The following KCNJ12 variants were observed in gnomAD, a reference collection of about 807,000 sequenced individuals.
KCNJ12 encodes the protein potassium inwardly rectifying channel subfamily J member 12.
Under a neutral mutation model 22.3 loss-of-function variants are expected in KCNJ12, and 2 were observed. That is an observed-to-expected ratio of 0.09 (90% CI 0.04 to 0.28). The LOEUF (loss-of-function observed/expected upper bound fraction) is 0.28, where lower values mean the gene tolerates loss of function less well. KCNJ12 is among the 10% of genes least tolerant of loss of function. The pLI, the probability that KCNJ12 is intolerant of heterozygous loss-of-function variation, is 1.00. For missense variants in KCNJ12, 155 were observed against 633.3 expected, an observed-to-expected ratio of 0.24 and a Z score of 8.11; for synonymous variants, 117 against 261.4, an observed-to-expected ratio of 0.45 and a Z score of 5.33.
chr17:21,379,424 C>G (rs576493076), intron 1 of KCNJ12, among the ~76,000 whole-genome samples: 2 of 152,232 alleles, frequency 1.3e-5, no homozygotes, highest in African/African-American at 4.8e-5. Context: ...CCAGGCCCAG[C>G]TCTGGGCTGG....
intron 2 of KCNJ12, among the ~76,000 whole-genome samples, chr17:21,412,013 C>T (rs1222175808): frequency 1.3e-5 from 2 of 150,340 alleles, no homozygotes; most frequent in Non-Finnish European, 2.9e-5. Context: ...GGGAGGGTTT[C>T]TCTCTCTCTC....
chr17:21,379,336 G>A lies in KCNJ12; in HGVS notation c.-179+2423G>A, dbSNP rs1486955311. Among the ~76,000 whole-genome samples the A allele has an allele frequency of 3.3e-5, 5 of 152,326 alleles. No homozygotes were observed. The East Asian group carries it at 9.7e-4, about 29-fold the overall frequency. The stretch of plus-strand genomic sequence containing the variant: ...ATCATTACTGTCATCAACCTCTGTG[G>A]CCCTCGCCAGGTCCCCAGGCAGAAG... On this transcript the variant is annotated intron_variant, in intron 1 of 2. Transcript: ENST00000583088.
intron 1 of KCNJ12, among the ~76,000 whole-genome samples, chr17:21,398,311 C>T (rs1339701524): frequency 6.6e-6 from 1 of 152,212 alleles, no homozygotes; most frequent in African/African-American, 2.4e-5. Flanking sequence ...CTGGTCATAC[C>T]CCACACTTCT....
Position 21,419,260 on chromosome 17 carries a change from A to G in KCNJ12, c.*2616A>G, listed in dbSNP as rs1290380315. The stretch of plus-strand genomic sequence containing the variant: ...CATGCACACTCGGCTCTTCATGTGT[A>G]TGACTGGGTTAGTAATACAGATACG... On this transcript the variant is annotated 3_prime_UTR_variant, in exon 3 of 3. Coordinates refer to ENST00000583088, the MANE Select transcript of KCNJ12 (RefSeq NM_021012.5). 2 of 165,896 alleles carry G rather than the reference A, an allele frequency of 1.2e-5. No individual in the cohort carries two copies. Among genetic ancestry groups the G allele is most frequent in the African/African-American group, 4.9e-5 (2 of 40,928 alleles). 10.3% of individuals were successfully genotyped at this position (165,896 alleles called of 1,614,324 possible). A position where few individuals can be genotyped will look rare whatever the true frequency, so the allele number is the denominator to read the frequency against.
intron 1 of KCNJ12, among the ~76,000 whole-genome samples, chr17:21,378,426 T>TGGTTGGA (rs1904747203): frequency 6.6e-6 from 1 of 152,198 alleles, no homozygotes; most frequent in Non-Finnish European, 1.5e-5. Flanking sequence ...CTCAGTTCTC[T>TGGTTGGA]GGTGGCACCT....
chr17:21,390,911 G>T (rs1905194790), intron 1 of KCNJ12, among the ~76,000 whole-genome samples: 2 of 152,194 alleles, frequency 1.3e-5, no homozygotes, highest in African/African-American at 4.8e-5. Flanking sequence ...CCTCTGTCTA[G>T]TTCCAAAGCC....
intron 1 of KCNJ12, among the ~76,000 whole-genome samples, chr17:21,382,448 C>T (rs191529118): frequency 9.8e-5 from 15 of 152,288 alleles, no homozygotes; most frequent in Middle Eastern, 6.8e-3. Flanking sequence ...AGACTCCCCA[C>T]GGTCATTGAG....
At chr17:21,403,132 C>T (rs1302857822) in intron 1 of KCNJ12, among the ~76,000 whole-genome samples, 2 of 152,282 alleles carry the variant, frequency 1.3e-5, no homozygotes, top group Non-Finnish European at 2.9e-5. Context: ...ATCCTTTGAG[C>T]TTGGAGGATG....
intron 1 of KCNJ12, among the ~76,000 whole-genome samples, chr17:21,380,138 G>A (rs1265780941): frequency 6.6e-6 from 1 of 152,190 alleles, no homozygotes; most frequent in Non-Finnish European, 1.5e-5. Flanking sequence ...GTCCCACACA[G>A]GGCCTGAGGC....
chr17:21,390,146 T>G (rs937170535), intron 1 of KCNJ12, among the ~76,000 whole-genome samples: 22 of 152,140 alleles, frequency 1.4e-4, no homozygotes, highest in Non-Finnish European at 7.4e-5. Context: ...GAAGAGAATT[T>G]CAACTCCTGC....
intron 2 of KCNJ12, among the ~76,000 whole-genome samples, chr17:21,411,793 TGGAGG>T (rs1906363648): frequency 6.6e-6 from 1 of 152,312 alleles, no homozygotes; most frequent in African/African-American, 2.4e-5. Flanking sequence ...GTGTCCCTGG[TGGAGG>T]ATATTGTCCT....
chr17:21,382,988 C>T (rs1365365446), intron 1 of KCNJ12, among the ~76,000 whole-genome samples: 2 of 151,760 alleles, frequency 1.3e-5, no homozygotes, highest in East Asian at 2.0e-4. Context: ...ACACAGTTCC[C>T]GGAGGAAGGC....
intron 1 of KCNJ12, among the ~76,000 whole-genome samples, chr17:21,392,505 A>G (rs1299293289): frequency 6.6e-6 from 1 of 152,088 alleles, no homozygotes; most frequent in African/African-American, 2.4e-5. Flanking sequence ...GCTGGTCCCC[A>G]CTACTTAATC....
chr17:21,402,822 C>A (rs1384335180), intron 1 of KCNJ12, among the ~76,000 whole-genome samples: 2 of 152,302 alleles, frequency 1.3e-5, no homozygotes, highest in South Asian at 2.1e-4. Context: ...GACTTCCTTG[C>A]TGGGAGCAAG....
chr17:21,403,264 T>C (rs1905734481), intron 1 of KCNJ12, among the ~76,000 whole-genome samples: 1 of 152,422 alleles, frequency 6.6e-6, no homozygotes, highest in Admixed American at 6.5e-5. Context: ...TGCTCATTCC[T>C]ACTGTGTCCT....
At chr17:21,397,854 G>A (rs929095320) in intron 1 of KCNJ12, among the ~76,000 whole-genome samples, 2 of 152,252 alleles carry the variant, frequency 1.3e-5, no homozygotes, top group Non-Finnish European at 2.9e-5. Context: ...GCAGGGATTA[G>A]CAAGTGGACC....
chr17:21,390,173 C>G (rs1302926940), intron 1 of KCNJ12, among the ~76,000 whole-genome samples: 1 of 152,204 alleles, frequency 6.6e-6, no homozygotes, highest in Non-Finnish European at 1.5e-5. Flanking sequence ...CAGCTTCCCT[C>G]CCCATGATGG....
intron 1 of KCNJ12, among the ~76,000 whole-genome samples, chr17:21,399,049 C>A (rs1198420194): frequency 2.0e-5 from 3 of 152,198 alleles, no homozygotes; most frequent in Admixed American, 6.5e-5. Flanking sequence ...AGAATTTGTG[C>A]ACCCCCTCAG....
intron 2 of KCNJ12, among the ~76,000 whole-genome samples, 163 bp from the exon 3 acceptor site, chr17:21,415,124 C>T (rs1228514413): frequency 2.2e-4 from 33 of 152,324 alleles, no homozygotes; most frequent in African/African-American, 7.9e-4. Flanking sequence ...TGGCCATTCG[C>T]ACTGGGAAGG....
Sources: gnomAD v4.1 joint callset for allele counts (sites outside exome capture counted in the v4.1 genomes callset) on GRCh38, gnomAD v4.1.1 for gene constraint, MANE v1.5 for transcripts, NCBI Gene and HGNC (gene_info 2026-07-23, HGNC 2026-07-21) for gene names.